The following AFF3 variants were observed in gnomAD, a reference collection of about 807,000 sequenced individuals.
AFF3 encodes ALF transcription elongation factor 3.
In AFF3, 32 loss-of-function variants were observed where a neutral mutation model predicts 129.7. That is an observed-to-expected ratio of 0.25 (90% CI 0.19 to 0.33). AFF3 has a LOEUF of 0.33. AFF3 is among the 10% of genes least tolerant of loss of function. AFF3 has a pLI of 1.00. For missense variants in AFF3, 1,373 were observed against 1,592.0 expected, an observed-to-expected ratio of 0.86 and a Z score of 2.34; for synonymous variants, 644 against 635.4, an observed-to-expected ratio of 1.01 and a Z score of -0.20.
chr2:99,810,641 AGTGTGT>A (rs58509014), intron 8 of AFF3, among the ~76,000 whole-genome samples: 2 of 151,064 alleles, frequency 1.3e-5, no homozygotes, highest in Non-Finnish European at 1.5e-5. Context: ...CAAGTGTGTG[AGTGTGT>A]GTGTGTGTGT....
At chr2:100,054,929 C>T (rs566526205) in intron 4 of AFF3, among the ~76,000 whole-genome samples, 1 of 152,188 alleles carries the variant, frequency 6.6e-6, no homozygotes, top group Non-Finnish European at 1.5e-5. Context: ...TTCCCACCCA[C>T]AAAGAGTGTT....
chr2:99,658,098 C>T lies in AFF3; in HGVS notation c.1144-8432G>A, dbSNP rs117984084. ...AGGCTTTTGCCATCACAAATGAAAA[C>T]GAAGGCAGATGCTATCAGTCAGAAG... is the stretch of plus-strand genomic sequence containing the variant. On this transcript the variant is annotated intron_variant, in intron 12 of 24. Transcript: ENST00000672756. Among the ~76,000 whole-genome samples, 909 of 152,254 alleles carry T rather than the reference C, an allele frequency of 6.0e-3. 5 individuals carry two copies. The highest frequency in any genetic ancestry group is 0.019 in the East Asian group (99 of 5,174).
chr2:100,031,794 A>G (rs990534272), intron 4 of AFF3, among the ~76,000 whole-genome samples: 1 of 152,254 alleles, frequency 6.6e-6, no homozygotes, highest in African/African-American at 2.4e-5. Context: ...GTATAAAACA[A>G]ATATCCATGA....
chr2:99,920,346 G>A (rs1000000111), intron 7 of AFF3, among the ~76,000 whole-genome samples: 11 of 151,816 alleles, frequency 7.2e-5, no homozygotes, highest in Admixed American at 2.6e-4. Context: ...AAAATATGCC[G>A]CAATCAACTA....
At chr2:99,714,317 C>T (rs979925802) in intron 11 of AFF3, among the ~76,000 whole-genome samples, 3 of 152,170 alleles carry the variant, frequency 2.0e-5, no homozygotes, top group Non-Finnish European at 4.4e-5. Flanking sequence ...AGCCATGCCC[C>T]TTTGCAGGCC....
At chr2:99,623,431 G>A (rs1451433215) in intron 13 of AFF3, among the ~76,000 whole-genome samples, 1 of 152,226 alleles carries the variant, frequency 6.6e-6, no homozygotes, top group East Asian at 1.9e-4. Context: ...CATGCGGTGA[G>A]TGTAGGATCC....
At chr2:100,050,683 T>C (rs764567337) in intron 4 of AFF3, among the ~76,000 whole-genome samples, 13 of 152,192 alleles carry the variant, frequency 8.5e-5, no homozygotes, top group Non-Finnish European at 1.3e-4. Flanking sequence ...TAAACGTCAG[T>C]GCACGTAGGA....
chr2:99,946,319 C>T (rs559750113), intron 7 of AFF3, among the ~76,000 whole-genome samples: 3 of 151,574 alleles, frequency 2.0e-5, no homozygotes, highest in East Asian at 3.9e-4. Flanking sequence ...ACTAAAAATA[C>T]AAAAACATAA....
chr2:99,757,437 C>T (rs1053166673), intron 8 of AFF3, among the ~76,000 whole-genome samples: 2 of 152,230 alleles, frequency 1.3e-5, no homozygotes, highest in African/African-American at 2.4e-5. Context: ...CTTTCACTCC[C>T]TCTCTCATAA....
intron 7 of AFF3, among the ~76,000 whole-genome samples, chr2:99,900,367 G>C (rs1195622647): frequency 6.6e-6 from 1 of 152,126 alleles, no homozygotes; most frequent in East Asian, 1.9e-4. Context: ...ACCTCTAAGA[G>C]GGCTCTCAAG....
At position 99,850,416 on chromosome 2, in the gene AFF3, G is replaced by A. The variant is rs532493052; in HGVS notation, c.874-12892C>T. Among the ~76,000 whole-genome samples the A allele has an allele frequency of 3.3e-5, 5 of 152,262 alleles. No homozygotes were observed. In the South Asian group the frequency reaches 1.0e-3, roughly 32 times the overall value. Reference sequence around the variant, plus strand: ...TCAAATGGACCACACTGGATGCCTCGTGTTTTTAAAGGACATTGTTATTAA... The same window carrying A: ...TCAAATGGACCACACTGGATGCCTCATGTTTTTAAAGGACATTGTTATTAA... On this transcript the variant is annotated intron_variant, in intron 7 of 24. Coordinates refer to ENST00000672756, the MANE Select transcript of AFF3 (RefSeq NM_001386135.1).
chr2:99,687,563 G>C (rs1264135819), intron 11 of AFF3, among the ~76,000 whole-genome samples: 3 of 152,160 alleles, frequency 2.0e-5, no homozygotes, highest in Non-Finnish European at 4.4e-5. Context: ...CTAGAGGAGA[G>C]GTGGGCTCTC....
At chr2:99,782,273 T>G (rs1222217842) in intron 8 of AFF3, among the ~76,000 whole-genome samples, 2 of 152,236 alleles carry the variant, frequency 1.3e-5, no homozygotes, top group African/African-American at 4.8e-5. Context: ...CAAACATCTG[T>G]AAATGCTAGT....
At chr2:100,027,677 T>C (rs1684156388) in intron 4 of AFF3, among the ~76,000 whole-genome samples, 1 of 152,210 alleles carries the variant, frequency 6.6e-6, no homozygotes, top group African/African-American at 2.4e-5. Flanking sequence ...AGTTAAACTT[T>C]GCTGTTTGAT....
At chr2:99,917,547 C>T (rs370412700) in intron 7 of AFF3, among the ~76,000 whole-genome samples, 9 of 152,182 alleles carry the variant, frequency 5.9e-5, no homozygotes, top group Non-Finnish European at 1.0e-4. Flanking sequence ...ATTCTAGGCT[C>T]GTCAAGGAAG....
chr2:99,870,390 C>G (rs964123581), intron 7 of AFF3, among the ~76,000 whole-genome samples: 3 of 152,222 alleles, frequency 2.0e-5, no homozygotes, highest in African/African-American at 7.2e-5. Flanking sequence ...AGGCCCCTTC[C>G]CCACAGCAGG....
intron 8 of AFF3, among the ~76,000 whole-genome samples, chr2:99,789,764 C>T (rs1157056814): frequency 6.6e-6 from 1 of 152,196 alleles, no homozygotes; most frequent in African/African-American, 2.4e-5. Context: ...TGGGAAGTTA[C>T]AGACCTAACT....
At chr2:99,899,853 C>T (rs894534764) in intron 7 of AFF3, among the ~76,000 whole-genome samples, 1 of 152,206 alleles carries the variant, frequency 6.6e-6, no homozygotes, top group Non-Finnish European at 1.5e-5. Context: ...CTGCTAGGGT[C>T]TCCAAGGTAG....
chr2:99,743,680 C>A (rs536714317), intron 10 of AFF3, among the ~76,000 whole-genome samples: 2 of 152,266 alleles, frequency 1.3e-5, no homozygotes, highest in South Asian at 4.1e-4. Flanking sequence ...AGTACATATA[C>A]CCAGCCGGTT....
Sources: gnomAD v4.1 joint callset for allele counts (sites outside exome capture counted in the v4.1 genomes callset) on GRCh38, gnomAD v4.1.1 for gene constraint, MANE v1.5 for transcripts, NCBI Gene and HGNC (gene_info 2026-07-23, HGNC 2026-07-21) for gene names.